Variants in NCR3LG1 observed in about 807,000 individuals in gnomAD.
The protein encoded by NCR3LG1 is natural killer cell cytotoxicity receptor 3 ligand 1, also known as natural cytotoxicity triggering receptor 3 ligand 1.
In NCR3LG1, 35 loss-of-function variants were observed where a neutral mutation model predicts 34.8. The ratio of observed to expected loss-of-function variants is 1.01; its 90% CI spans 0.77 to 1.33. The LOEUF (loss-of-function observed/expected upper bound fraction) is 1.33, where lower values mean the gene tolerates loss of function less well. Ranked by LOEUF, NCR3LG1 falls within the 40% of genes most tolerant of loss-of-function variation. The pLI is 0.00. For missense variants in NCR3LG1, 452 were observed against 423.3 expected, an observed-to-expected ratio of 1.07 and a Z score of -0.60; for synonymous variants, 173 against 163.6, an observed-to-expected ratio of 1.06 and a Z score of -0.44.
chr11:17,371,569 G>A (rs1265723059), intron 4 of NCR3LG1, among the ~76,000 whole-genome samples: 1 of 152,224 alleles, frequency 6.6e-6, no homozygotes, highest in Admixed American at 6.5e-5. Flanking sequence ...ATCTAAGTGA[G>A]AAAGGGATCT....
chr11:17,369,414 A>C (rs1953383340), intron 4 of NCR3LG1, among the ~76,000 whole-genome samples: 1 of 152,218 alleles, frequency 6.6e-6, no homozygotes, highest in East Asian at 1.9e-4. Flanking sequence ...TTTGACTAAG[A>C]ATTTCTAACC....
chr11:17,355,116 C>G (rs968064674), intron 1 of NCR3LG1, among the ~76,000 whole-genome samples: 4 of 152,180 alleles, frequency 2.6e-5, no homozygotes, highest in African/African-American at 9.7e-5. Flanking sequence ...TGGAAAACAT[C>G]TAGCCAGTCG....
intron 3 of NCR3LG1, 31 bp from the exon 4 acceptor site, chr11:17,368,836 T>C (rs528170164): frequency 1.6e-5 from 23 of 1,427,830 alleles, no homozygotes; most frequent in Non-Finnish European, 2.0e-5. Context: ...CCAGTAGGTT[T>C]CCTGCTAATG....
chr11:17,364,012 A>G (rs1046493500), intron 2 of NCR3LG1, among the ~76,000 whole-genome samples: 1 of 152,140 alleles, frequency 6.6e-6, no homozygotes, highest in Non-Finnish European at 1.5e-5. Context: ...GGTGTCTATC[A>G]TTAATTTTGG....
Position 17,374,495 on chromosome 11 carries a change from G to A in NCR3LG1, c.*1983G>A, listed in dbSNP as rs752350897. 3.9e-5 allele frequency: 6 copies of A among 152,116 alleles called. No homozygotes were observed. In the South Asian group the frequency reaches 1.0e-3, roughly 26 times the overall value. The allele number at this position is 152,116 out of a possible 1,614,324, so 9.4% of individuals were successfully genotyped here. A position where few individuals can be genotyped will look rare whatever the true frequency, so the allele number is the denominator to read the frequency against. ...CCCAACTGAGGAAGTTTCTTGAGACGGCACTGAGGCTCTCCTTAATTTCCT... is the reference window on the plus strand; with the variant it reads ...CCCAACTGAGGAAGTTTCTTGAGACAGCACTGAGGCTCTCCTTAATTTCCT... On this transcript the variant is annotated 3_prime_UTR_variant, in exon 5 of 5. Transcript: ENST00000338965.
intron 2 of NCR3LG1, among the ~76,000 whole-genome samples, chr11:17,359,560 G>A (rs183082744): frequency 1.7e-4 from 26 of 149,360 alleles, no homozygotes; most frequent in South Asian, 6.4e-4. Context: ...TGCCCAGGCC[G>A]GAGTGCAGTG....
rs1321793843 is a variant in NCR3LG1 at position 17,374,163 on chromosome 11, T to C, written c.*1651T>C. On this transcript the variant is annotated 3_prime_UTR_variant, in exon 5 of 5. Coordinates refer to ENST00000338965, the MANE Select transcript of NCR3LG1 (RefSeq NM_001202439.3). Reference sequence around the variant, plus strand: ...CTCTGCCTTATTCATGAGGCTGTGATTACGATTCATCCAGTAGATCCCAGT... The same window carrying C: ...CTCTGCCTTATTCATGAGGCTGTGACTACGATTCATCCAGTAGATCCCAGT... 1 of 152,160 alleles carries C rather than the reference T, an allele frequency of 6.6e-6. No individual in the cohort carries two copies. The highest frequency in any genetic ancestry group is 1.5e-5 in the Non-Finnish European group (1 of 68,040). 9.4% of individuals were successfully genotyped at this position (152,160 alleles called of 1,614,324 possible).
At chr11:17,358,879 G>A (rs929145330) in intron 2 of NCR3LG1, among the ~76,000 whole-genome samples, 2 of 152,096 alleles carry the variant, frequency 1.3e-5, no homozygotes, top group Non-Finnish European at 2.9e-5. Flanking sequence ...CTTGGCTCTT[G>A]TGTCACATTG....
At chr11:17,358,321 AT>A (rs1193129740) in intron 2 of NCR3LG1, among the ~76,000 whole-genome samples, 1 of 152,100 alleles carries the variant, frequency 6.6e-6, no homozygotes, top group Non-Finnish European at 1.5e-5. Flanking sequence ...TGCTGTGACA[AT>A]TTCTTAGACC....
chr11:17,352,162 T>G, intron 1 of NCR3LG1, 123 bp downstream of exon 1: 1 of 551,174 alleles, frequency 1.8e-6, no homozygotes, highest in Non-Finnish European at 3.0e-6. Flanking sequence ...TCTATTTTCT[T>G]TTCTATTTCT....
At chr11:17,353,809 A>G (rs1953172129) in intron 1 of NCR3LG1, among the ~76,000 whole-genome samples, 1 of 152,238 alleles carries the variant, frequency 6.6e-6, no homozygotes, top group Non-Finnish European at 1.5e-5. Context: ...CCCCAGAACC[A>G]GGCGTTGGTG....
chr11:17,358,738 A>G (rs1326909432), intron 2 of NCR3LG1, among the ~76,000 whole-genome samples: 2 of 152,090 alleles, frequency 1.3e-5, no homozygotes, highest in Non-Finnish European at 2.9e-5. Context: ...CTTTTCTCCC[A>G]TTTATGACTT....
chr11:17,352,073 C>A, intron 1 of NCR3LG1, 34 bp downstream of exon 1: 1 of 1,394,368 alleles, frequency 7.2e-7, no homozygotes, highest in South Asian at 1.3e-5. Context: ...GGGGCGGGGG[C>A]TCCTGGCGCC....
chr11:17,356,163 A>G (rs1222949408), intron 1 of NCR3LG1, among the ~76,000 whole-genome samples: 2 of 127,076 alleles, frequency 1.6e-5, no homozygotes, highest in East Asian at 2.2e-4. Flanking sequence ...TTTGAGACAG[A>G]GTGTCGCTCT....
chr11:17,369,828 T>TA (rs373724750), intron 4 of NCR3LG1, among the ~76,000 whole-genome samples: 38 of 152,362 alleles, frequency 2.5e-4, no homozygotes, highest in African/African-American at 8.9e-4. Context: ...CTGGTTCTGA[T>TA]ATTCAGGTGC....
rs755054016 is a variant in NCR3LG1, at chr11:17,372,007, T to C, written c.860T>C (p.Ile287Thr). 4.3e-6 allele frequency: 3 copies of C among 697,880 alleles called. No homozygotes were observed. The South Asian group carries it at 4.5e-5, about 10-fold the overall frequency. The allele number at this position is 697,880 out of a possible 1,614,324, so 43.2% of individuals were successfully genotyped here. ...GCCTTTTCTCTCCTCTTTTTCTAGA[T>C]ATGTAACAAATCATCTTCAGCCTAT... is the stretch of plus-strand genomic sequence containing the variant. Reference protein sequence around the residue: ...LLIVLIPWKKICNKSSSAYTP... With the variant: ...LLIVLIPWKKTCNKSSSAYTP... The change falls in exon 5 of 5, where the codon ATA (isoleucine) becomes ACA (threonine). Residue 287 changes from isoleucine (I) to threonine (T), a missense_variant and splice_region_variant. Ile to Thr is a moderately conservative substitution (Grantham distance 89). Coordinates refer to ENST00000338965, the MANE Select transcript of NCR3LG1 (RefSeq NM_001202439.3).
At position 17,351,860 on chromosome 11, in the gene NCR3LG1, C is replaced by G; in HGVS notation, c.-110C>G. The G allele has an allele frequency of 1.2e-6, 1 of 844,704 alleles. No individual in the cohort carries two copies. The highest frequency in any genetic ancestry group is 1.9e-6 in the Non-Finnish European group (1 of 537,834). The allele number at this position is 844,704 out of a possible 1,614,324, so 52.3% of individuals were successfully genotyped here. On this transcript the variant is annotated 5_prime_UTR_variant, in exon 1 of 5. Coordinates refer to ENST00000338965, the MANE Select transcript of NCR3LG1 (RefSeq NM_001202439.3). ...CAAAAGCGCCGGCTGGAAATCCCGG[C>G]TGTGTCTCCGTCAACTCTTTACGCA...
intron 2 of NCR3LG1, 77 bp downstream of exon 2, chr11:17,357,078 A>C: frequency 1.1e-6 from 1 of 930,054 alleles, no homozygotes; most frequent in Non-Finnish European, 1.6e-6. Context: ...CACCTCTTTG[A>C]GCTCCACTTT....
intron 2 of NCR3LG1, among the ~76,000 whole-genome samples, chr11:17,360,441 T>A (rs548993137): frequency 6.6e-6 from 1 of 152,310 alleles, no homozygotes; most frequent in Admixed American, 6.5e-5. Context: ...GCTCTTAACA[T>A]TGTGTCCTAA....
Sources: allele counts gnomAD v4.1 joint callset (sites outside exome capture counted in the v4.1 genomes callset), GRCh38; gene constraint gnomAD v4.1.1; transcripts MANE v1.5; gene names NCBI Gene and HGNC (gene_info 2026-07-23, HGNC 2026-07-21).